GLB1: variants seen among roughly 807,000 people sequenced by gnomAD.
The protein encoded by GLB1 is galactosidase beta 1.
Under a neutral mutation model 74.0 loss-of-function variants are expected in GLB1, and 56 were observed. The observed-to-expected ratio is 0.76, with a 90% confidence interval of 0.61 to 0.94. GLB1 has a LOEUF of 0.94. Ranked by LOEUF, GLB1 falls within the 40% of genes least tolerant of loss-of-function variation. The pLI is 0.00. For missense variants in GLB1, 787 were observed against 845.5 expected, an observed-to-expected ratio of 0.93 and a Z score of 0.86; for synonymous variants, 323 against 323.6, an observed-to-expected ratio of 1.00 and a Z score of 0.02.
intron 1 of GLB1, among the ~76,000 whole-genome samples, chr3:33,087,377 C>G (rs1158650883): frequency 6.6e-6 from 1 of 152,132 alleles, no homozygotes; most frequent in Non-Finnish European, 1.5e-5. Flanking sequence ...TGAGACCAGC[C>G]TGGCCAACAT....
chr3:33,053,642 C>G, intron 6 of GLB1, 93 bp from the exon 7 acceptor site: 1 of 1,531,416 alleles, frequency 6.5e-7, no homozygotes, highest in Non-Finnish European at 8.9e-7. Flanking sequence ...GCCTGAAGCC[C>G]TGCTACGGTC....
At chr3:32,995,768 C>A (rs185090937), downstream of GLB1, among the ~76,000 whole-genome samples, 137 of 150,644 alleles carry the variant, frequency 9.1e-4, no homozygotes, top group Non-Finnish European at 1.6e-3. Flanking sequence ...TCACTTGAAG[C>A]CAGGAATTCA....
chr3:33,054,030 T>TA (rs61468932), intron 6 of GLB1, among the ~76,000 whole-genome samples: 11,702 of 150,968 alleles, frequency 0.078, 1,073 homozygotes, highest in East Asian at 0.47. Context: ...TTTTTTTTAT[T>TA]AAAAAAAATA....
At chr3:32,965,865 G>A in the GLB1 span, among the ~76,000 whole-genome samples, 1 of 152,240 alleles carries the variant, frequency 6.6e-6, no homozygotes, top group Non-Finnish European at 1.5e-5. Flanking sequence ...TGGGGCTGTG[G>A]CTTCAGAGAG....
intron 4 of GLB1, among the ~76,000 whole-genome samples, chr3:33,067,408 C>G (rs1372229879): frequency 6.9e-6 from 1 of 145,380 alleles, no homozygotes; most frequent in East Asian, 1.9e-4. Context: ...AAGCAATCCT[C>G]CCACCTCAGC....
At position 33,014,325 on chromosome 3, in the gene GLB1, CAG is replaced by C. The variant is rs1293516685; in HGVS notation, c.1480-17_1480-16del. 1 of 1,613,014 alleles carries C rather than the reference CAG, an allele frequency of 6.2e-7. No individual in the cohort carries two copies. The highest frequency in any genetic ancestry group is 8.5e-7 in the Non-Finnish European group (1 of 1,179,536). ...GAAACCAAACCCTGCAAAGCAGAAA[CAG>C]AGCACAGTGAGCTGGGGAGGGAAGG... On this transcript the variant is annotated splice_polypyrimidine_tract_variant and intron_variant, in intron 14 of 15. Transcript: ENST00000307363.
At chr3:33,055,774 T>C (rs1416105926) in intron 6 of GLB1, among the ~76,000 whole-genome samples, 2 of 151,808 alleles carry the variant, frequency 1.3e-5, no homozygotes, top group East Asian at 3.9e-4. Flanking sequence ...GCCCGTTTTT[T>C]TTTTTTAAAA....
chr3:32,980,995 G>C, the GLB1 span, among the ~76,000 whole-genome samples: 1 of 147,308 alleles, frequency 6.8e-6, no homozygotes, highest in African/African-American at 2.5e-5. Flanking sequence ...GGAGGCTGAG[G>C]AAGGAGAATT....
chr3:32,988,901 C>T, the GLB1 span, among the ~76,000 whole-genome samples: 2 of 150,794 alleles, frequency 1.3e-5, no homozygotes, highest in African/African-American at 2.4e-5. Context: ...TGCAAAAATC[C>T]CATCTAGTGG....
At chr3:33,010,262 T>C (rs1467635485) in intron 15 of GLB1, among the ~76,000 whole-genome samples, 2 of 152,236 alleles carry the variant, frequency 1.3e-5, no homozygotes, top group Non-Finnish European at 2.9e-5. Flanking sequence ...CTATTGTCCT[T>C]CTTACTATTT....
chr3:33,046,067 CA>C lies in GLB1; in HGVS notation c.1068+52del. ...GTTGTCCACAGAGCCACAGTGAGTT[CA>C]AAAGAGGCTCTGTCCAAGATCAGCC... On this transcript the variant is annotated intron_variant, in intron 10 of 15. Coordinates refer to ENST00000307363, the MANE Select transcript of GLB1 (RefSeq NM_000404.4). 8 of 1,595,188 alleles carry C rather than the reference CA, an allele frequency of 5.0e-6. No individual in the cohort carries two copies. The South Asian group carries it at 9.0e-5, about 18-fold the overall frequency.
the GLB1 span, among the ~76,000 whole-genome samples, chr3:32,982,235 C>T: frequency 6.6e-6 from 1 of 151,526 alleles, no homozygotes; most frequent in Non-Finnish European, 1.5e-5. Flanking sequence ...ATCTCTTGAA[C>T]CCGGGAGGTG....
chr3:33,029,213 T>A (rs1438398079), intron 10 of GLB1, among the ~76,000 whole-genome samples: 2 of 152,230 alleles, frequency 1.3e-5, no homozygotes, highest in African/African-American at 4.8e-5. Context: ...TTCTAAACCA[T>A]TATTTTTCCA....
rs113534264 is a variant in GLB1 at position 33,016,762 on chromosome 3, G to A, written c.1426C>T (p.Leu476=). ...TGKAGATLDL[L]VENMGRVNYG... ...TTCACACGTCCCATGTTCTCTACCA[G>A]AAGGTCCAGAGTGGCTCCAGCTTTC... Residue 476 remains leucine, a synonymous_variant, in exon 14 of 16, where the codon CTG becomes TTG. Coordinates refer to ENST00000307363, the MANE Select transcript of GLB1 (RefSeq NM_000404.4). 4.3e-4 allele frequency: 691 copies of A among 1,614,170 alleles called. 1 individual carries two copies. The Middle Eastern group carries it at 8.4e-3, about 20-fold the overall frequency.
chr3:33,060,238 G>A (rs985042066), intron 5 of GLB1, among the ~76,000 whole-genome samples: 3 of 152,196 alleles, frequency 2.0e-5, no homozygotes, highest in Non-Finnish European at 4.4e-5. Context: ...TGGGGTTCAA[G>A]AAGTAAAACA....
Position 33,097,129 on chromosome 3 carries a change from G to T in GLB1, c.-44C>A, listed in dbSNP as rs1701070004. Reference sequence around the variant, plus strand: ...TCTGCAGTCGGCGCCCAGGCCGGCCGCTTCGCGTCACTTGACTAAGGACCC... The same window carrying T: ...TCTGCAGTCGGCGCCCAGGCCGGCCTCTTCGCGTCACTTGACTAAGGACCC... On this transcript the variant is annotated 5_prime_UTR_variant, in exon 1 of 16. Coordinates refer to ENST00000307363, the MANE Select transcript of GLB1 (RefSeq NM_000404.4). The T allele has an allele frequency of 6.2e-7, 1 of 1,605,166 alleles. No individual in the cohort carries two copies. Among genetic ancestry groups the T allele is most frequent in the South Asian group, 1.1e-5 (1 of 90,022 alleles).
At chr3:32,972,167 T>C in the GLB1 span, among the ~76,000 whole-genome samples, 1 of 152,110 alleles carries the variant, frequency 6.6e-6, no homozygotes, top group Non-Finnish European at 1.5e-5. Context: ...ATCTATATGC[T>C]CAACCACATC....
At position 33,005,173 on chromosome 3, in the gene GLB1, C is replaced by T. The variant is rs1465764076; in HGVS notation, c.1735-7829G>A. Among the ~76,000 whole-genome samples the T allele has an allele frequency of 2.0e-5, 3 of 152,010 alleles. No homozygotes were observed. In the East Asian group the frequency reaches 5.8e-4, roughly 30 times the overall value. ...TATCTAGGGGCTCCATCCTAAGTCG[C>T]CTCATTAGCACAAACCCAGGTGGGA... On this transcript the variant is annotated intron_variant, in intron 15 of 15. Coordinates refer to ENST00000307363, the MANE Select transcript of GLB1 (RefSeq NM_000404.4).
intron 1 of GLB1, chr3:33,092,666 T>A: frequency 7.1e-7 from 1 of 1,402,720 alleles, no homozygotes; most frequent in Non-Finnish European, 9.3e-7. Context: ...AGCCTGAACA[T>A]GCCAGGCAGG....
Sources: allele counts gnomAD v4.1 joint callset (sites outside exome capture counted in the v4.1 genomes callset), GRCh38; gene constraint gnomAD v4.1.1; transcripts MANE v1.5; gene names NCBI Gene and HGNC (gene_info 2026-07-23, HGNC 2026-07-21).